SPHKAP: variants seen among roughly 807,000 people sequenced by gnomAD.
The protein encoded by SPHKAP is A-kinase anchor protein SPHKAP.
A neutral mutation model predicts 137.5 loss-of-function variants in SPHKAP; 67 were observed. That is an observed-to-expected ratio of 0.49 (90% CI 0.40 to 0.60). The LOEUF (loss-of-function observed/expected upper bound fraction) is 0.60, where lower values mean the gene tolerates loss of function less well. Among genes scored for constraint, SPHKAP ranks in the 20% least tolerant of loss-of-function variants. SPHKAP has a pLI of 0.00. For synonymous variants in SPHKAP, 813 were observed against 785.3 expected (o/e 1.04, Z -0.59); for missense variants, 2,097 against 2,069.3 (o/e 1.01, Z -0.26).
chr2:228,158,484 G>A (rs1019789542), intron 1 of SPHKAP, among the ~76,000 whole-genome samples: 2 of 151,962 alleles, frequency 1.3e-5, no homozygotes, highest in Non-Finnish European at 2.9e-5. Flanking sequence ...GAGTATGAAA[G>A]GTCAAAGTCT....
intron 3 of SPHKAP, among the ~76,000 whole-genome samples, chr2:228,071,024 G>A (rs892601491): frequency 2.0e-5 from 3 of 152,104 alleles, no homozygotes; most frequent in South Asian, 2.1e-4. Flanking sequence ...TTTCAGGGAC[G>A]GAGCATTGAT....
chr2:228,005,887 TAG>T (rs1159245024), intron 7 of SPHKAP, among the ~76,000 whole-genome samples: 6 of 151,954 alleles, frequency 3.9e-5, no homozygotes, highest in Non-Finnish European at 8.8e-5. Context: ...CCCCACTCTG[TAG>T]AGTTTCTGCC....
intron 8 of SPHKAP, among the ~76,000 whole-genome samples, chr2:227,994,645 C>T (rs569298628): frequency 6.6e-6 from 1 of 152,276 alleles, no homozygotes; most frequent in Admixed American, 6.5e-5. Flanking sequence ...TGTATTGAAA[C>T]CTGATGGCTC....
rs538456690 is a variant in SPHKAP at position 228,059,600 on chromosome 2, G to A, written c.247-32057C>T. On this transcript the variant is annotated intron_variant, in intron 3 of 11. Coordinates refer to ENST00000392056, the MANE Select transcript of SPHKAP (RefSeq NM_001142644.2). The stretch of plus-strand genomic sequence containing the variant: ...AGAATCGTAAAGTGGACTAGGAGAA[G>A]TGGGTTTCATTGCCACTTTATCCTC... Among the ~76,000 whole-genome samples the A allele has an allele frequency of 9.2e-5, 14 of 152,320 alleles. No individual in the cohort carries two copies. The South Asian group carries it at 2.9e-3, about 32-fold the overall frequency.
At chr2:228,073,833 G>A (rs968862722) in intron 3 of SPHKAP, among the ~76,000 whole-genome samples, 6 of 151,932 alleles carry the variant, frequency 3.9e-5, no homozygotes. Context: ...TTTTGATTAT[G>A]TTACATTTAC....
intron 1 of SPHKAP, among the ~76,000 whole-genome samples, chr2:228,158,418 G>T (rs1424554127): frequency 6.7e-6 from 1 of 149,294 alleles, no homozygotes; most frequent in African/African-American, 2.5e-5. Flanking sequence ...GTCTGAAAGT[G>T]GTTAAAGTAG....
At chr2:228,001,527 AC>A (rs1693895171) in intron 7 of SPHKAP, among the ~76,000 whole-genome samples, 1 of 145,050 alleles carries the variant, frequency 6.9e-6, no homozygotes, top group Non-Finnish European at 1.5e-5. Context: ...GAATATATAT[AC>A]ATATATATAA....
chr2:228,018,254 T>A lies in SPHKAP; in HGVS notation c.2600A>T (p.Gln867Leu), dbSNP rs3828161. The change falls in exon 7 of 12, where the codon CAG (glutamine) becomes CTG (leucine). Residue 867 changes from glutamine (Q) to leucine (L), a missense_variant. Coordinates refer to ENST00000392056, the MANE Select transcript of SPHKAP (RefSeq NM_001142644.2). ...SEGQRSPTVS[Q>L]SRSGSQEAEE... The stretch of plus-strand genomic sequence containing the variant: ...AGCCTCCTGGGAACCACTTCTGGAC[T>A]GGCTGACCGTTGGGGACCTTTGTCC... 1.7e-5 allele frequency: 27 copies of A among 1,613,904 alleles called. No individual in the cohort carries two copies. The highest frequency in any genetic ancestry group is 2.2e-5 in the Non-Finnish European group (26 of 1,179,998).
At position 228,087,127 on chromosome 2, in the gene SPHKAP, A is replaced by G. The variant is rs144698720; in HGVS notation, c.246+21705T>C. Reference sequence around the variant, plus strand: ...AAAGATGGAGGAAAGACAGTCAAAGAGACCCATGCTAAGACCAGTGTCATC... The same window carrying G: ...AAAGATGGAGGAAAGACAGTCAAAGGGACCCATGCTAAGACCAGTGTCATC... On this transcript the variant is annotated intron_variant, in intron 3 of 11. Coordinates refer to ENST00000392056, the MANE Select transcript of SPHKAP (RefSeq NM_001142644.2). 4.0e-3 allele frequency among the ~76,000 whole-genome samples: 615 copies of G among 152,326 alleles called. 6 individuals carry two copies. Among genetic ancestry groups the G allele is most frequent in the African/African-American group, 0.014 (585 of 41,590 alleles).
intron 1 of SPHKAP, among the ~76,000 whole-genome samples, chr2:228,137,802 T>G (rs1699482244): frequency 6.6e-6 from 1 of 152,218 alleles, no homozygotes; most frequent in South Asian, 2.1e-4. Context: ...AAAATTTGCC[T>G]TCACACAGTT....
At chr2:228,135,274 CAAAAAAAA>C (rs11435994) in intron 1 of SPHKAP, among the ~76,000 whole-genome samples, 1 of 95,440 alleles carries the variant, frequency 1.0e-5, no homozygotes, top group South Asian at 3.9e-4. Context: ...AACTCTGTCT[CAAAAAAAA>C]AAAAAAAAAA....
intron 1 of SPHKAP, among the ~76,000 whole-genome samples, chr2:228,164,962 T>A (rs1329269024): frequency 6.6e-6 from 1 of 152,200 alleles, no homozygotes; most frequent in Non-Finnish European, 1.5e-5. Flanking sequence ...TCTCCATTGG[T>A]ACCATGAGAA....
At chr2:228,030,915 C>T (rs549534066) in intron 3 of SPHKAP, among the ~76,000 whole-genome samples, 18 of 152,152 alleles carry the variant, frequency 1.2e-4, no homozygotes, top group Admixed American at 3.3e-4. Flanking sequence ...CCAAGATGGC[C>T]GAATAGGAAC....
intron 7 of SPHKAP, among the ~76,000 whole-genome samples, chr2:228,000,633 AAAAATAAAAT>A (rs201484086): frequency 0.025 from 3,819 of 151,938 alleles, 168 homozygotes; most frequent in African/African-American, 0.087. Context: ...TAATAATAAT[AAAAATAAAAT>A]AAAATAAAAT....
chr2:228,030,513 C>CAAAAAAAAAAAAAAAAAAAAACA (rs11287311), intron 3 of SPHKAP, among the ~76,000 whole-genome samples: 1 of 48,774 alleles, frequency 2.1e-5, no homozygotes, highest in Non-Finnish European at 4.0e-5. Context: ...GATACCATCT[C>CAAAAAAAAAAAAAAAAAAAAACA]AAAAAAAAAA....
intron 6 of SPHKAP, among the ~76,000 whole-genome samples, chr2:228,021,160 G>C (rs1243472321): frequency 6.6e-6 from 1 of 152,206 alleles, no homozygotes; most frequent in Non-Finnish European, 1.5e-5. Context: ...TCAACAGGAA[G>C]AGCTGAATAA....
At chr2:227,996,413 A>T (rs1403941437) in intron 7 of SPHKAP, among the ~76,000 whole-genome samples, 1 of 151,922 alleles carries the variant, frequency 6.6e-6, no homozygotes, top group African/African-American at 2.4e-5. Flanking sequence ...CCTCCTGTGA[A>T]TTTCTGTCTC....
At chr2:228,059,452 G>A (rs1696562061) in intron 3 of SPHKAP, among the ~76,000 whole-genome samples, 1 of 152,220 alleles carries the variant, frequency 6.6e-6, no homozygotes, top group Non-Finnish European at 1.5e-5. Context: ...GTGAAGCTAA[G>A]CTGCAGTCAT....
intron 2 of SPHKAP, among the ~76,000 whole-genome samples, chr2:228,127,295 C>G (rs578214614): frequency 6.6e-6 from 1 of 152,266 alleles, no homozygotes; most frequent in South Asian, 2.1e-4. Context: ...AAAGAATTAG[C>G]TTGCAATATT....
Sources: gnomAD v4.1 joint callset for allele counts (sites outside exome capture counted in the v4.1 genomes callset) on GRCh38, gnomAD v4.1.1 for gene constraint, MANE v1.5 for transcripts, NCBI Gene and HGNC (gene_info 2026-07-23, HGNC 2026-07-21) for gene names.